The following RAB38 variants were observed in gnomAD, a reference collection of about 807,000 sequenced individuals.
The protein encoded by RAB38 is RAB38, member RAS oncogene family.
Under a neutral mutation model 18.4 loss-of-function variants are expected in RAB38, and 15 were observed. That is an observed-to-expected ratio of 0.82 (90% confidence interval 0.55 to 1.26). The LOEUF (loss-of-function observed/expected upper bound fraction) is 1.26. Ranked by LOEUF, RAB38 falls within the 50% of genes most tolerant of loss-of-function variation. The pLI is 0.00. For synonymous variants in RAB38, 101 were observed against 104.4 expected (o/e 0.97, Z 0.20); for missense variants, 294 against 267.4 (o/e 1.10, Z -0.69).
the RAB38 span, among the ~76,000 whole-genome samples, chr11:87,954,213 T>C: frequency 2.0e-5 from 3 of 152,180 alleles, no homozygotes; most frequent in Admixed American, 1.3e-4. Flanking sequence ...CTTCCTTTGA[T>C]TGTCCTTCTT....
the RAB38 span, chr11:87,815,286 G>T: frequency 6.6e-6 from 1 of 152,178 alleles, no homozygotes; most frequent in Non-Finnish European, 1.5e-5. Flanking sequence ...AGATCAAAGG[G>T]CTAGTATACC....
At chr11:88,092,374 GAGAGAGAGAGAGAGAGAGAGA>G in the RAB38 span, among the ~76,000 whole-genome samples, 1 of 25,484 alleles carries the variant, frequency 3.9e-5, no homozygotes, top group African/African-American at 1.4e-4. Flanking sequence ...GAGAGAGAGA[GAGAGAGAGAGAGAGAGAGAGA>G]GAGAGAGAGA....
At chr11:87,840,573 T>G in the RAB38 span, among the ~76,000 whole-genome samples, 7 of 152,220 alleles carry the variant, frequency 4.6e-5, no homozygotes, top group Admixed American at 3.9e-4. Context: ...TTTATTCTAA[T>G]GCTAAACCAA....
chr11:87,862,518 G>C, the RAB38 span, among the ~76,000 whole-genome samples: 1 of 151,872 alleles, frequency 6.6e-6, no homozygotes, highest in Admixed American at 6.6e-5. Context: ...GAGGGTAGAG[G>C]GTGGGAGGAG....
At chr11:87,844,059 T>G in the RAB38 span, among the ~76,000 whole-genome samples, 1 of 152,224 alleles carries the variant, frequency 6.6e-6, no homozygotes, top group Non-Finnish European at 1.5e-5. Flanking sequence ...TTCTATTTTC[T>G]GCTCATGACC....
At chr11:88,091,578 G>A in the RAB38 span, among the ~76,000 whole-genome samples, 1 of 151,982 alleles carries the variant, frequency 6.6e-6, no homozygotes, top group Admixed American at 6.6e-5. Flanking sequence ...CCATCTGACT[G>A]TTTCTCACTG....
the RAB38 span, among the ~76,000 whole-genome samples, chr11:88,006,991 ATCTCACAAAGAAATAATAAATT>A: frequency 2.0e-5 from 3 of 151,924 alleles, no homozygotes; most frequent in Non-Finnish European, 3.0e-5. Flanking sequence ...AGGTTTTTGA[ATCTCACAAAGAAATAATAAATT>A]TCTCACAAAG....
chr11:87,897,995 A>G, the RAB38 span, among the ~76,000 whole-genome samples: 1 of 151,620 alleles, frequency 6.6e-6, no homozygotes, highest in South Asian at 2.1e-4. Context: ...CTCTATAAAT[A>G]TCTATTTTTC....
At chr11:87,836,105 T>A in the RAB38 span, among the ~76,000 whole-genome samples, 1 of 152,164 alleles carries the variant, frequency 6.6e-6, no homozygotes, top group African/African-American at 2.4e-5. Context: ...ATGTAAGGAA[T>A]GCTAATGAGC....
At chr11:87,886,796 A>G in the RAB38 span, among the ~76,000 whole-genome samples, 3 of 151,146 alleles carry the variant, frequency 2.0e-5, no homozygotes, top group Admixed American at 2.0e-4. Flanking sequence ...GCCGGGTTTC[A>G]TGAAGATGTC....
the RAB38 span, among the ~76,000 whole-genome samples, chr11:87,959,521 G>T: frequency 6.6e-6 from 1 of 152,112 alleles, no homozygotes; most frequent in Non-Finnish European, 1.5e-5. Flanking sequence ...TGTGCTATGT[G>T]TTTCTATAAG....
At chr11:88,034,721 A>G in the RAB38 span, among the ~76,000 whole-genome samples, 1 of 152,160 alleles carries the variant, frequency 6.6e-6, no homozygotes, top group African/African-American at 2.4e-5. Flanking sequence ...TTGAGTTTCA[A>G]GAGTTCTTTG....
the RAB38 span, among the ~76,000 whole-genome samples, chr11:87,823,452 C>T: frequency 6.6e-6 from 1 of 151,244 alleles, no homozygotes; most frequent in Admixed American, 6.6e-5. Flanking sequence ...GGATGTAGAA[C>T]TGCTAAAACA....
the RAB38 span, among the ~76,000 whole-genome samples, chr11:88,055,765 G>A: frequency 6.6e-6 from 1 of 152,110 alleles, no homozygotes; most frequent in Non-Finnish European, 1.5e-5. Flanking sequence ...GAAGGAAAAC[G>A]AAAGATGAAC....
At chr11:88,116,782 G>A (rs1942559262) in intron 2 of RAB38, among the ~76,000 whole-genome samples, 1 of 152,140 alleles carries the variant, frequency 6.6e-6, no homozygotes, top group South Asian at 2.1e-4. Flanking sequence ...CTTCGTATAT[G>A]ATAAAAATTA....
At chr11:87,877,175 C>T in the RAB38 span, among the ~76,000 whole-genome samples, 2 of 151,548 alleles carry the variant, frequency 1.3e-5, no homozygotes, top group South Asian at 4.2e-4. Flanking sequence ...GGAACCAGGA[C>T]CTCTTTATAC....
chr11:87,891,918 A>C, the RAB38 span, among the ~76,000 whole-genome samples: 1 of 151,810 alleles, frequency 6.6e-6, no homozygotes, highest in Non-Finnish European at 1.5e-5. Context: ...CCCTGTGTAC[A>C]CAACTGAATG....
At chr11:88,115,965 C>T (rs977841877) in intron 2 of RAB38, 6 of 152,232 alleles carry the variant, frequency 3.9e-5, no homozygotes, top group African/African-American at 1.4e-4. Context: ...AAGTATCTTC[C>T]TCACTCTATG....
At chr11:88,153,767 C>G (rs565234790) in intron 1 of RAB38, among the ~76,000 whole-genome samples, 1 of 152,318 alleles carries the variant, frequency 6.6e-6, no homozygotes, top group East Asian at 1.9e-4. Context: ...TATTTTTAAG[C>G]CATCTCTAAG....
Sources: allele counts gnomAD v4.1 joint callset (sites outside exome capture counted in the v4.1 genomes callset), GRCh38; gene constraint gnomAD v4.1.1; transcripts MANE v1.5; gene names NCBI Gene and HGNC (gene_info 2026-07-23, HGNC 2026-07-21).